RUFY2: variants seen among roughly 807,000 people sequenced by gnomAD.
RUFY2 encodes the protein RUN and FYVE domain containing 2, also known as RUN and FYVE domain-containing protein 2.
RUFY2 carries 49 observed loss-of-function variants against 94.4 expected under a neutral mutation model. The ratio of observed to expected loss-of-function variants is 0.52; its 90% CI spans 0.41 to 0.66. RUFY2 has a LOEUF of 0.66. Among genes scored for constraint, RUFY2 ranks in the 30% least tolerant of loss-of-function variants. The probability of loss-of-function intolerance (pLI) is 0.00; values close to 1 mark genes in which losing one functional copy is unlikely to be tolerated. For missense variants in RUFY2, 541 were observed against 692.8 expected (o/e 0.78, Z 2.46); for synonymous variants, 255 against 235.7 (o/e 1.08, Z -0.75).
At chr10:68,405,663 T>TA (rs2051234529) in intron 1 of RUFY2, 1 of 970,874 alleles carries the variant, frequency 1.0e-6, no homozygotes, top group Non-Finnish European at 1.2e-6. Flanking sequence ...ACAGGTAAAA[T>TA]ACACTGACAA....
At chr10:68,371,689 G>A (rs61857321) in intron 13 of RUFY2, among the ~76,000 whole-genome samples, 16,546 of 151,658 alleles carry the variant, frequency 0.11, 1,115 homozygotes, top group South Asian at 0.25. Context: ...TAATGGCTGA[G>A]AATTTCCCAA....
chr10:68,379,683 G>A (rs1489860411), intron 11 of RUFY2, among the ~76,000 whole-genome samples, 162 bp from the exon 12 acceptor site: 1 of 151,772 alleles, frequency 6.6e-6, no homozygotes, highest in East Asian at 1.9e-4. Flanking sequence ...CCCAAGTAGA[G>A]TTCTGATCTG....
chr10:68,384,134 T>C lies in RUFY2; in HGVS notation c.739A>G (p.Asn247Asp). ...LIEELAIAKNNIIKLQEENHQ... is the reference protein window; with the variant it reads ...LIEELAIAKNDIIKLQEENHQ... ...TTTTCTTCCTGGAGTTTAATGATGT[T>C]ATTCTTTGCTATTGCTAACTAAAAA... The change falls in exon 9 of 18, where the codon AAC becomes GAC. Residue 247 changes from asparagine (N) to aspartate (D), a missense_variant. Physicochemically the swap from Asn to Asp is conservative, Grantham distance 23. This residue lies in a region of RUFY2 where 403 missense variants were observed against 480.7 expected (regional missense o/e 0.84). Transcript: ENST00000602465. 1 of 1,608,968 alleles carries C rather than the reference T, an allele frequency of 6.2e-7. No individual in the cohort carries two copies. Among genetic ancestry groups the C allele is most frequent in the Admixed American group, 1.7e-5 (1 of 59,440 alleles).
At chr10:68,362,699 AG>A (rs2132475908) in intron 15 of RUFY2, among the ~76,000 whole-genome samples, 1 of 152,032 alleles carries the variant, frequency 6.6e-6, no homozygotes, top group East Asian at 1.9e-4. Context: ...CTGAGGTGAA[AG>A]GGTTGCTTGA....
downstream of RUFY2, chr10:68,341,749 CT>C (rs751680558): frequency 2.5e-6 from 4 of 1,588,036 alleles, no homozygotes; most frequent in East Asian, 8.9e-5. Flanking sequence ...TTTCTTTTTT[CT>C]TTTTAAAGAT....
intron 13 of RUFY2, among the ~76,000 whole-genome samples, chr10:68,366,811 A>ATAAT (rs1564801705): frequency 7.3e-6 from 1 of 137,018 alleles, no homozygotes; most frequent in African/African-American, 2.7e-5. Flanking sequence ...TATATAATAT[A>ATAAT]ATGTTATATG....
chr10:68,391,069 G>C (rs1377261945), intron 7 of RUFY2, among the ~76,000 whole-genome samples: 1 of 151,736 alleles, frequency 6.6e-6, no homozygotes, highest in African/African-American at 2.4e-5. Flanking sequence ...CGAGTAGCTG[G>C]AACTACAGGC....
In RUFY2 at chr10:68,407,209, T is replaced by A. The variant is rs1240715239; in HGVS notation, c.-20A>T. 7.1e-7 allele frequency: 1 copy of A among 1,399,524 alleles called. No individual in the cohort carries two copies. The highest frequency in any genetic ancestry group is 2.4e-4 in the Middle Eastern group (1 of 4,138). 86.7% of individuals were successfully genotyped at this position (1,399,524 alleles called of 1,614,324 possible). A position where few individuals can be genotyped will look rare whatever the true frequency, so the allele number is the denominator to read the frequency against. ...ACCCATGGCGGCGGCGGCTGCGCGG[T>A]CTCGGGCGGAGGCTCCCTCGGCCTG... On this transcript the variant is annotated 5_prime_UTR_variant, in exon 1 of 18. Transcript: ENST00000602465.
chr10:68,363,482 G>C, intron 15 of RUFY2, 108 bp downstream of exon 15: 1 of 697,448 alleles, frequency 1.4e-6, no homozygotes. Context: ...GCCCGGCCTA[G>C]TTCGTATCTT....
rs749608029 is a variant in RUFY2, at chr10:68,379,463, GT to G, written c.1165del (p.Thr389ProfsTer8). Reference protein sequence around the residue: ...NEIIARLEEKTNKITAAMRQL... With the variant: ...NEIIARLEEKXNKITAAMRQL... The stretch of plus-strand genomic sequence containing the variant: ...CCTCATGGCTGCAGTAATTTTATTG[GT>G]TTTTTCTTCTAGTCGGGCAATTATT... On this transcript the variant is annotated frameshift_variant, in exon 12 of 18. Coordinates refer to ENST00000602465, the MANE Select transcript of RUFY2 (RefSeq NM_001330103.2). LOFTEE classifies it high-confidence loss of function. 1 of 1,612,282 alleles carries G rather than the reference GT, an allele frequency of 6.2e-7. No homozygotes were observed. The highest frequency in any genetic ancestry group is 1.3e-5 in the African/African-American group (1 of 74,696).
Position 68,383,808 on chromosome 10 carries a change from T to C in RUFY2, c.929A>G (p.Gln310Arg). 1 of 1,607,260 alleles carries C rather than the reference T, an allele frequency of 6.2e-7. No individual in the cohort carries two copies. ...EARRQLRDES[Q>R]LRQDVENELA... ...TTTAATATAACCTACCTGTCGTAAC[T>C]GAGATTCATCTCGAAGCTGCCTTCT... Residue 310 changes from glutamine (Q) to arginine (R), a missense_variant, in exon 10 of 18, where the codon CAG becomes CGG. Transcript: ENST00000602465.
chr10:68,358,632 T>TGG (rs1564789387), intron 15 of RUFY2, among the ~76,000 whole-genome samples: 1 of 152,220 alleles, frequency 6.6e-6, no homozygotes, highest in East Asian at 1.9e-4. Flanking sequence ...TTTTCTTGGC[T>TGG]GGGCACAGTG....
intron 7 of RUFY2, among the ~76,000 whole-genome samples, chr10:68,389,244 A>G (rs1255758134): frequency 6.6e-6 from 1 of 152,208 alleles, no homozygotes; most frequent in East Asian, 1.9e-4. Context: ...GTCAGACACC[A>G]GTATTGCTGT....
chr10:68,380,481 C>G (rs1183521155), intron 11 of RUFY2, among the ~76,000 whole-genome samples: 1 of 152,024 alleles, frequency 6.6e-6, no homozygotes, highest in African/African-American at 2.4e-5. Flanking sequence ...AGAATACACT[C>G]TTGTAAAATA....
Position 68,386,046 on chromosome 10 carries a change from C to A in RUFY2, c.720+13G>T. On this transcript the variant is annotated intron_variant, in intron 8 of 17. Transcript: ENST00000602465. ...ACTAGGTCCATGAAATACATTTATC[C>A]ATTAGACAATACCTCTTCAATCAGC... The A allele has an allele frequency of 6.4e-7, 1 of 1,554,198 alleles. No individual in the cohort carries two copies. Among genetic ancestry groups the A allele is most frequent in the Non-Finnish European group, 8.8e-7 (1 of 1,134,366 alleles).
intron 16 of RUFY2, among the ~76,000 whole-genome samples, chr10:68,352,205 C>A (rs1356049604): frequency 6.6e-6 from 1 of 152,122 alleles, no homozygotes; most frequent in African/African-American, 2.4e-5. Context: ...AAGCAATTCT[C>A]CCACCACAGC....
downstream of RUFY2, chr10:68,341,235 C>T (rs758279832): frequency 6.2e-7 from 1 of 1,603,456 alleles, no homozygotes; most frequent in South Asian, 1.1e-5. Flanking sequence ...GGCAGAGCCA[C>T]AGGAGAAGCA....
chr10:68,383,765 G>T, intron 10 of RUFY2, 33 bp downstream of exon 10: 1 of 1,393,540 alleles, frequency 7.2e-7, no homozygotes, highest in South Asian at 1.2e-5. Flanking sequence ...CTCCCAGGAT[G>T]ATCTTGCTAA....
Position 68,355,380 on chromosome 10 carries a change from G to A in RUFY2, c.1572C>T (p.Asp524=). 1 of 1,610,538 alleles carries A rather than the reference G, an allele frequency of 6.2e-7. No individual in the cohort carries two copies. Among genetic ancestry groups the A allele is most frequent in the Non-Finnish European group, 8.5e-7 (1 of 1,177,282 alleles). ...KLSESKLKIE[D]IKEANKALQG... is the part of the protein sequence containing the mutation. The stretch of plus-strand genomic sequence containing the variant: ...GCAATGCTTTGTTGGCTTCTTTTAT[G>A]TCTTCAATTTTAAGTTTTGATCTAA... Residue 524 remains aspartate, a synonymous_variant, in exon 16 of 18, where the codon GAC becomes GAT. Coordinates refer to ENST00000602465, the MANE Select transcript of RUFY2 (RefSeq NM_001330103.2).
Sources: allele counts gnomAD v4.1 joint callset (sites outside exome capture counted in the v4.1 genomes callset), GRCh38; gene constraint gnomAD v4.1.1; regional missense constraint gnomAD v4.1.1; transcripts MANE v1.5; gene names NCBI Gene and HGNC (gene_info 2026-07-23, HGNC 2026-07-21).